PCTP: variants seen among roughly 807,000 people sequenced by gnomAD.
PCTP encodes START domain-containing protein 2.
Under a neutral mutation model 31.0 loss-of-function variants are expected in PCTP, and 27 were observed. The ratio of observed to expected loss-of-function variants is 0.87; its 90% CI spans 0.64 to 1.20. The LOEUF is 1.20. Among genes scored for constraint, PCTP ranks in the 50% most tolerant of loss-of-function variants. The pLI is 0.00. For missense variants in PCTP, 287 were observed against 268.2 expected (o/e 1.07, Z -0.49); for synonymous variants, 108 against 101.2 (o/e 1.07, Z -0.40).
chr17:55,845,524 G>T (rs1049743112), downstream of PCTP, among the ~76,000 whole-genome samples: 3 of 152,166 alleles, frequency 2.0e-5, no homozygotes, highest in Non-Finnish European at 4.4e-5. Context: ...GGGCCGCCTC[G>T]CCTCGAGGAA....
chr17:55,774,751 AT>A, intron 4 of PCTP, 40 bp from the exon 5 acceptor site: 1 of 1,506,014 alleles, frequency 6.6e-7, no homozygotes, highest in Non-Finnish European at 9.2e-7. Flanking sequence ...TTTTTCTGGT[AT>A]TTTTCCTTTT....
At chr17:55,851,490 T>C in the PCTP span, among the ~76,000 whole-genome samples, 3 of 152,224 alleles carry the variant, frequency 2.0e-5, no homozygotes, top group South Asian at 4.1e-4. Flanking sequence ...GAGTTTATTC[T>C]ACTACATTCA....
At chr17:55,830,847 A>G (rs1041053228) in intron 5 of PCTP, among the ~76,000 whole-genome samples, 1 of 152,224 alleles carries the variant, frequency 6.6e-6, no homozygotes, top group African/African-American at 2.4e-5. Flanking sequence ...CTGGGAGCAC[A>G]TGAAGTGGTG....
At chr17:55,787,376 T>C (rs191819935) in intron 2 of PCTP, among the ~76,000 whole-genome samples, 1 of 151,804 alleles carries the variant, frequency 6.6e-6, no homozygotes, top group African/African-American at 2.4e-5. Flanking sequence ...TTTTTTGAGA[T>C]GGAGTCTTGC....
At chr17:55,821,153 A>G (rs761973162) in intron 3 of PCTP, among the ~76,000 whole-genome samples, 5 of 152,240 alleles carry the variant, frequency 3.3e-5, no homozygotes, top group Non-Finnish European at 5.9e-5. Context: ...CAAATTTCCA[A>G]TGACTGATGA....
chr17:55,773,490 A>G (rs1911121911), intron 3 of PCTP, among the ~76,000 whole-genome samples: 1 of 152,174 alleles, frequency 6.6e-6, no homozygotes. Flanking sequence ...AAAAGCATGA[A>G]GGGATCACTC....
At chr17:55,787,214 C>T (rs945489403) in intron 2 of PCTP, among the ~76,000 whole-genome samples, 7 of 151,046 alleles carry the variant, frequency 4.6e-5, no homozygotes, top group African/African-American at 7.3e-5. Context: ...TTATCTCATG[C>T]GTTTTCTGCT....
intron 2 of PCTP, chr17:55,769,566 G>C (rs892443035): frequency 6.6e-6 from 1 of 152,160 alleles, no homozygotes; most frequent in Non-Finnish European, 1.5e-5. Flanking sequence ...TCTGATGTTT[G>C]CTCCCCAACA....
rs777372220 is a variant in PCTP at position 55,751,118 on chromosome 17, C to T, written c.15C>T (p.Ala5=). The change falls in exon 1 of 6, where the codon GCC becomes GCT. Residue 5 remains alanine (A), a synonymous_variant. Transcript: ENST00000268896. The part of the protein sequence containing the change: MELA[A]GSFSEEQFWE... ...ACTGCGGAAGGATGGAGCTGGCCGC[C>T]GGAAGCTTCTCGGAGGAGCAGTTCT... 28 of 1,541,562 alleles carry T rather than the reference C, an allele frequency of 1.8e-5. No individual in the cohort carries two copies. Among genetic ancestry groups the T allele is most frequent in the South Asian group, 4.8e-5 (4 of 83,366 alleles).
chr17:55,781,959 A>G (rs1344537411), downstream of PCTP, among the ~76,000 whole-genome samples: 1 of 152,094 alleles, frequency 6.6e-6, no homozygotes, highest in Non-Finnish European at 1.5e-5. Context: ...GGAATTATGG[A>G]ATTGGCTCAT....
intron 3 of PCTP, among the ~76,000 whole-genome samples, chr17:55,808,351 T>C (rs769586246): frequency 9.9e-5 from 15 of 152,240 alleles, no homozygotes; most frequent in Non-Finnish European, 7.3e-5. Context: ...CTACCACTTA[T>C]CAGCCATCTG....
At chr17:55,794,428 G>A (rs982792132) in intron 3 of PCTP, among the ~76,000 whole-genome samples, 2 of 151,006 alleles carry the variant, frequency 1.3e-5, no homozygotes, top group African/African-American at 4.9e-5. Flanking sequence ...TGTTTAACCC[G>A]TCTCTTGTTA....
At chr17:55,781,004 C>T (rs1911544025), downstream of PCTP, among the ~76,000 whole-genome samples, 1 of 145,224 alleles carries the variant, frequency 6.9e-6, no homozygotes, top group Non-Finnish European at 1.5e-5. Context: ...TTATTTAAGC[C>T]ACAGCATGTA....
At chr17:55,819,960 G>T (rs1429335279) in intron 3 of PCTP, among the ~76,000 whole-genome samples, 1 of 152,070 alleles carries the variant, frequency 6.6e-6, no homozygotes, top group Non-Finnish European at 1.5e-5. Context: ...GAGACAACCG[G>T]ATATCCATAT....
At chr17:55,794,739 T>G (rs908572109) in intron 3 of PCTP, among the ~76,000 whole-genome samples, 2 of 151,996 alleles carry the variant, frequency 1.3e-5, no homozygotes, top group Admixed American at 1.3e-4. Flanking sequence ...AGTTTCCGCA[T>G]TTTGACCCTT....
At chr17:55,850,584 T>C in the PCTP span, among the ~76,000 whole-genome samples, 1 of 147,066 alleles carries the variant, frequency 6.8e-6, no homozygotes, top group Non-Finnish European at 1.5e-5. Context: ...CTAATTCCCG[T>C]CCTAGCATTT....
chr17:55,843,842 T>G (rs542722517), downstream of PCTP, among the ~76,000 whole-genome samples: 1 of 152,292 alleles, frequency 6.6e-6, no homozygotes, highest in African/African-American at 2.4e-5. Context: ...GAAATTAAAT[T>G]GAAGCACTGA....
At chr17:55,780,287 A>T (rs193225198), downstream of PCTP, among the ~76,000 whole-genome samples, 220 of 152,326 alleles carry the variant, frequency 1.4e-3, no homozygotes, top group Non-Finnish European at 2.3e-3. Context: ...TAATAATGGA[A>T]CAACAATTAA....
chr17:55,786,067 G>A (rs1911734527), intron 2 of PCTP, among the ~76,000 whole-genome samples: 2 of 152,202 alleles, frequency 1.3e-5, no homozygotes, highest in Non-Finnish European at 2.9e-5. Context: ...CAGATCACTT[G>A]AGGCCAAGAG....
Sources: allele counts gnomAD v4.1 joint callset (sites outside exome capture counted in the v4.1 genomes callset), GRCh38; gene constraint gnomAD v4.1.1; transcripts MANE v1.5; gene names NCBI Gene and HGNC (gene_info 2026-07-23, HGNC 2026-07-21).